The following MACROD2 variants were observed in gnomAD, a reference collection of about 807,000 sequenced individuals.
MACROD2 encodes ADP-ribose glycohydrolase MACROD2.
MACROD2 carries 36 observed loss-of-function variants against 70.4 expected under a neutral mutation model. The ratio of observed to expected loss-of-function variants is 0.51; its 90% CI spans 0.39 to 0.68. The LOEUF is 0.68. MACROD2 is among the 30% of genes least tolerant of loss of function. The pLI is 0.00. For synonymous variants in MACROD2, 172 were observed against 178.8 expected (o/e 0.96, Z 0.30); for missense variants, 496 against 538.4 (o/e 0.92, Z 0.78).
At chr20:14,312,187 T>C (rs2082573765) in intron 3 of MACROD2, among the ~76,000 whole-genome samples, 1 of 152,174 alleles carries the variant, frequency 6.6e-6, no homozygotes, top group Non-Finnish European at 1.5e-5. Context: ...AAACTGATTA[T>C]GCATACAGAT....
At chr20:15,357,014 C>G (rs944746678) in intron 6 of MACROD2, among the ~76,000 whole-genome samples, 5 of 151,966 alleles carry the variant, frequency 3.3e-5, no homozygotes, top group Admixed American at 3.3e-4. Context: ...CTTATATGAA[C>G]CTTTATATGA....
chr20:14,384,023 T>G (rs2083447621), intron 3 of MACROD2, among the ~76,000 whole-genome samples: 1 of 152,290 alleles, frequency 6.6e-6, no homozygotes, highest in South Asian at 2.1e-4. Flanking sequence ...TTCTTAAGCT[T>G]TGATCATTTA....
chr20:15,848,366 A>T (rs59314578), intron 8 of MACROD2, among the ~76,000 whole-genome samples: 2 of 148,702 alleles, frequency 1.3e-5, no homozygotes, highest in African/African-American at 5.1e-5. Context: ...AGCCAGGGGG[A>T]GGGGGGGGTC....
chr20:15,643,635 A>G (rs146759461), intron 8 of MACROD2, among the ~76,000 whole-genome samples: 9 of 152,352 alleles, frequency 5.9e-5, no homozygotes, highest in African/African-American at 1.9e-4. Flanking sequence ...AGATATGATA[A>G]ATATTTAATG....
intron 7 of MACROD2, among the ~76,000 whole-genome samples, chr20:15,435,023 G>C (rs1351633792): frequency 6.6e-6 from 1 of 152,046 alleles, no homozygotes; most frequent in Non-Finnish European, 1.5e-5. Context: ...ACTTGAGGGT[G>C]ACGGGTGGGA....
At chr20:14,324,589 A>G (rs2082704949) in intron 3 of MACROD2, 2 of 152,164 alleles carry the variant, frequency 1.3e-5, no homozygotes, top group Non-Finnish European at 2.9e-5. Context: ...GGAATCGCTT[A>G]TAATTACATT....
intron 8 of MACROD2, among the ~76,000 whole-genome samples, chr20:15,661,870 C>T (rs1418304088): frequency 1.3e-5 from 2 of 152,176 alleles, no homozygotes; most frequent in Non-Finnish European, 2.9e-5. Flanking sequence ...ATCCCACATT[C>T]GTAGTGTAGT....
At chr20:15,420,761 A>G (rs891675579) in intron 6 of MACROD2, among the ~76,000 whole-genome samples, 3 of 152,168 alleles carry the variant, frequency 2.0e-5, no homozygotes, top group African/African-American at 7.2e-5. Context: ...AATAGATCCT[A>G]CCAGAATATA....
chr20:14,387,095 A>G (rs1159950733), intron 3 of MACROD2, among the ~76,000 whole-genome samples: 2 of 152,224 alleles, frequency 1.3e-5, no homozygotes. Flanking sequence ...AGTTTTCTTC[A>G]GCTTTTTCAA....
chr20:14,485,627 G>C (rs1428110355), intron 3 of MACROD2, among the ~76,000 whole-genome samples: 2 of 124,046 alleles, frequency 1.6e-5, no homozygotes, highest in Non-Finnish European at 3.4e-5. Context: ...CGTGAACCCA[G>C]GAGGCGGAGC....
At chr20:14,313,273 A>T (rs545265472) in intron 3 of MACROD2, among the ~76,000 whole-genome samples, 4 of 152,200 alleles carry the variant, frequency 2.6e-5, no homozygotes, top group Non-Finnish European at 5.9e-5. Context: ...TTTTGTGAAC[A>T]TTTGGTAAGC....
chr20:14,539,487 G>T (rs1277080522), intron 4 of MACROD2, among the ~76,000 whole-genome samples: 3 of 152,086 alleles, frequency 2.0e-5, no homozygotes, highest in African/African-American at 7.2e-5. Context: ...GATTGGATTT[G>T]ACCATTTAGG....
intron 6 of MACROD2, among the ~76,000 whole-genome samples, chr20:15,332,621 C>G (rs1244158281): frequency 9.5e-6 from 1 of 105,230 alleles, no homozygotes; most frequent in Non-Finnish European, 2.1e-5. Flanking sequence ...TCCTACAGCC[C>G]CTTTGAAAGA....
intron 5 of MACROD2, among the ~76,000 whole-genome samples, chr20:14,788,172 A>G (rs547033937): frequency 1.1e-4 from 17 of 152,222 alleles, no homozygotes; most frequent in Admixed American, 3.9e-4. Context: ...CATTCATAAT[A>G]TTATCCTTTT....
At chr20:15,747,904 C>A (rs139304383) in intron 8 of MACROD2, among the ~76,000 whole-genome samples, 1 of 152,192 alleles carries the variant, frequency 6.6e-6, no homozygotes, top group East Asian at 1.9e-4. Flanking sequence ...GTAGATAATA[C>A]AATTTTGTTT....
intron 8 of MACROD2, among the ~76,000 whole-genome samples, chr20:15,701,822 C>G (rs2050463851): frequency 6.6e-6 from 1 of 152,138 alleles, no homozygotes; most frequent in African/African-American, 2.4e-5. Flanking sequence ...TTCTCTTTCT[C>G]CCCAACCAGT....
At chr20:15,398,411 T>A (rs916040477) in intron 6 of MACROD2, among the ~76,000 whole-genome samples, 1 of 152,204 alleles carries the variant, frequency 6.6e-6, no homozygotes, top group Non-Finnish European at 1.5e-5. Context: ...AGAGACTTTG[T>A]TGACTAAATT....
intron 5 of MACROD2, among the ~76,000 whole-genome samples, chr20:15,030,520 A>C (rs1399043723): frequency 2.0e-5 from 3 of 152,224 alleles, no homozygotes; most frequent in African/African-American, 7.2e-5. Context: ...TAGTTGCCCC[A>C]GCAGTCACCT....
chr20:15,705,876 A>C (rs6514600), intron 8 of MACROD2, among the ~76,000 whole-genome samples: 1 of 152,186 alleles, frequency 6.6e-6, no homozygotes, highest in African/African-American at 2.4e-5. Context: ...TAACTTTTCC[A>C]TAAATGAATA....
Sources: gnomAD v4.1 joint callset for allele counts (sites outside exome capture counted in the v4.1 genomes callset) on GRCh38, gnomAD v4.1.1 for gene constraint, MANE v1.5 for transcripts, NCBI Gene and HGNC (gene_info 2026-07-23, HGNC 2026-07-21) for gene names.